Variants in EIF4E observed in about 807,000 individuals in gnomAD.
EIF4E encodes the protein eIF-4F 25 kDa subunit.
For missense variants in EIF4E, 113 were observed against 265.6 expected, an observed-to-expected ratio of 0.43 and a Z score of 3.99; for synonymous variants, 71 against 88.5, an observed-to-expected ratio of 0.80 and a Z score of 1.11.
chr4:98,904,714 T>C (rs1428019466), intron 1 of EIF4E, among the ~76,000 whole-genome samples: 1 of 152,160 alleles, frequency 6.6e-6, no homozygotes, highest in Non-Finnish European at 1.5e-5. Context: ...GAGATTGCAG[T>C]GAGCACAGAT....
intron 1 of EIF4E, chr4:98,909,907 C>T (rs767528086): frequency 2.4e-5 from 14 of 571,568 alleles, no homozygotes; most frequent in South Asian, 4.9e-5. Flanking sequence ...ATGGAGGAGG[C>T]GGCTGTCAGT....
intron 1 of EIF4E, among the ~76,000 whole-genome samples, chr4:98,922,383 C>T (rs1725683279): frequency 6.6e-6 from 1 of 151,884 alleles, no homozygotes; most frequent in Non-Finnish European, 1.5e-5. Flanking sequence ...TGGTGAAACC[C>T]CATCTCTACT....
At chr4:98,921,377 A>G (rs1356007575) in intron 1 of EIF4E, among the ~76,000 whole-genome samples, 3 of 150,160 alleles carry the variant, frequency 2.0e-5, no homozygotes, top group Non-Finnish European at 4.4e-5. Flanking sequence ...ATTAGTTACA[A>G]TATTTTTTTC....
At position 98,901,976 on chromosome 4, in the gene EIF4E, T is replaced by C. The variant is rs756349708; in HGVS notation, c.25A>G (p.Thr9Ala). The change falls in exon 2 of 7, where the codon ACC becomes GCC. Residue 9 changes from threonine (T) to alanine (A), a missense_variant. Transcript: ENST00000450253. ...GTAGTCGGGGGATTAGGAGTAGGGG[T>C]GGTTTCCTAGTGGAAAATAATATAA... MATVEPET[T>A]PTPNPPTTEE... The C allele has an allele frequency of 1.3e-5, 21 of 1,613,470 alleles. No individual in the cohort carries two copies. Among genetic ancestry groups the C allele is most frequent in the Non-Finnish European group, 1.6e-5 (19 of 1,179,792 alleles).
chr4:98,886,859 A>T, intron 5 of EIF4E: 1 of 508,676 alleles, frequency 2.0e-6, no homozygotes, highest in Non-Finnish European at 3.6e-6. Flanking sequence ...GTGAGAGTCA[A>T]CTGCCAATCA....
intron 1 of EIF4E, among the ~76,000 whole-genome samples, chr4:98,912,316 CCTGTA>C (rs1462159039): frequency 6.6e-6 from 1 of 151,118 alleles, no homozygotes; most frequent in Non-Finnish European, 1.5e-5. Flanking sequence ...GTGGCTCATG[CCTGTA>C]ATCCCAACAC....
intron 1 of EIF4E, among the ~76,000 whole-genome samples, chr4:98,925,645 A>G (rs1242177158): frequency 2.0e-5 from 3 of 152,190 alleles, no homozygotes; most frequent in African/African-American, 7.2e-5. Flanking sequence ...ATAATATCAA[A>G]CTGAAAATGA....
At chr4:98,896,385 G>A (rs1169840548) in intron 2 of EIF4E, among the ~76,000 whole-genome samples, 1 of 148,058 alleles carries the variant, frequency 6.8e-6, no homozygotes, top group South Asian at 2.2e-4. Context: ...ATGGGACAGG[G>A]ATGGGGACAG....
chr4:98,892,376 A>T (rs939348803), intron 2 of EIF4E, among the ~76,000 whole-genome samples: 1 of 148,162 alleles, frequency 6.7e-6, no homozygotes, highest in Non-Finnish European at 1.5e-5. Context: ...GCAGACACTT[A>T]AACTATAAAA....
intron 1 of EIF4E, among the ~76,000 whole-genome samples, chr4:98,917,813 C>T (rs1482924782): frequency 1.3e-5 from 2 of 152,234 alleles, no homozygotes; most frequent in Admixed American, 6.5e-5. Context: ...TGATGGCTCA[C>T]ACCTGTAATC....
intron 2 of EIF4E, among the ~76,000 whole-genome samples, chr4:98,894,915 A>G (rs1317964576): frequency 6.6e-6 from 1 of 152,202 alleles, no homozygotes; most frequent in Non-Finnish European, 1.5e-5. Flanking sequence ...TCCTTTCACT[A>G]TAACATGTAG....
At chr4:98,915,846 T>C (rs1044553574) in intron 1 of EIF4E, among the ~76,000 whole-genome samples, 11 of 151,826 alleles carry the variant, frequency 7.2e-5, no homozygotes, top group African/African-American at 2.7e-4. Flanking sequence ...CTGGCCGTTA[T>C]CTTTAATAAT....
chr4:98,898,418 C>A (rs1300725596), intron 2 of EIF4E, among the ~76,000 whole-genome samples: 3 of 152,028 alleles, frequency 2.0e-5, no homozygotes, highest in Admixed American at 6.6e-5. Flanking sequence ...ATCAGCCTGG[C>A]CAACATGGTG....
chr4:98,918,238 C>T (rs2110219032), intron 1 of EIF4E, among the ~76,000 whole-genome samples: 1 of 151,768 alleles, frequency 6.6e-6, no homozygotes, highest in Non-Finnish European at 1.5e-5. Flanking sequence ...GTGGTGGACG[C>T]CTGTAATCCA....
At position 98,887,916 on chromosome 4, in the gene EIF4E, C is replaced by G; in HGVS notation, c.258G>C (p.Met86Ile). Residue 86 changes from methionine (M) to isoleucine (I), a missense_variant, in exon 4 of 7, where the codon ATG becomes ATC. Transcript: ENST00000450253. This position sits in a 1 kb window ranked among gnomAD's most constrained non-coding sequence, Gnocchi z 4.0. ...TAAAAAGTGAGTAGTCACAGCCAGGCATTAAATTACTAGACAACTGGATAT... is the reference window on the plus strand; with the variant it reads ...TAAAAAGTGAGTAGTCACAGCCAGGGATTAAATTACTAGACAACTGGATAT... The part of the protein sequence containing the change: ...YNHIQLSSNL[M>I]PGCDYSLFKD... 4 of 1,612,658 alleles carry G rather than the reference C, an allele frequency of 2.5e-6. No individual in the cohort carries two copies. Among genetic ancestry groups the G allele is most frequent in the Non-Finnish European group, 3.4e-6 (4 of 1,179,282 alleles).
At position 98,887,214 on chromosome 4, in the gene EIF4E, G is replaced by T; in HGVS notation, c.286-22C>A. 1 of 1,604,090 alleles carries T rather than the reference G, an allele frequency of 6.2e-7. No homozygotes were observed. The highest frequency in any genetic ancestry group is 8.5e-7 in the Non-Finnish European group (1 of 1,170,938). On this transcript the variant is annotated intron_variant, in intron 4 of 6. Coordinates refer to ENST00000450253, the MANE Select transcript of EIF4E (RefSeq NM_001968.5). This position sits in a 1 kb window ranked among gnomAD's most constrained non-coding sequence, Gnocchi z 4.0. ...CATCCTACAGGGTTAGAAGACAACA[G>T]TATTACACAACATTGTTACCTTGAC...
chr4:98,925,980 C>T (rs1725847493), intron 1 of EIF4E: 1 of 151,758 alleles, frequency 6.6e-6, no homozygotes, highest in Non-Finnish European at 1.5e-5. Context: ...GCCTGGGTAA[C>T]CATCGCGAGA....
At chr4:98,915,031 C>A (rs1177738596) in intron 1 of EIF4E, among the ~76,000 whole-genome samples, 2 of 152,188 alleles carry the variant, frequency 1.3e-5, no homozygotes, top group African/African-American at 2.4e-5. Flanking sequence ...GAAGTCTCGA[C>A]CTCCAGGGCT....
At chr4:98,886,684 C>T (rs547419002) in intron 5 of EIF4E, 53 of 338,480 alleles carry the variant, frequency 1.6e-4, no homozygotes, top group Non-Finnish European at 1.6e-4. Flanking sequence ...TATCCGCACT[C>T]CAGCCTGGGC....
Sources: gnomAD v4.1 joint callset for allele counts (sites outside exome capture counted in the v4.1 genomes callset) on GRCh38, gnomAD v4.1.1 for gene constraint, Gnocchi (gnomAD v3.1) non-coding constraint, MANE v1.5 for transcripts, NCBI Gene and HGNC (gene_info 2026-07-23, HGNC 2026-07-21) for gene names.